The following GABRB1 variants were observed in gnomAD, a reference collection of about 807,000 sequenced individuals.
GABRB1 encodes gamma-aminobutyric acid receptor subunit beta-1.
A neutral mutation model predicts 51.6 loss-of-function variants in GABRB1; 17 were observed. The observed-to-expected ratio is 0.33, with a 90% CI of 0.23 to 0.49. GABRB1 has a LOEUF of 0.49. GABRB1 is among the 20% of genes least tolerant of loss of function. The pLI is 0.99. For synonymous variants in GABRB1, 247 were observed against 218.9 expected (o/e 1.13, Z -1.14); for missense variants, 410 against 600.6 (o/e 0.68, Z 3.32).
intron 3 of GABRB1, among the ~76,000 whole-genome samples, chr4:47,083,251 C>G: frequency 6.6e-6 from 1 of 152,136 alleles, no homozygotes; most frequent in East Asian, 1.9e-4. Context: ...GTCCTCCACT[C>G]TGTCAAGCAG....
chr4:47,054,590 T>A, intron 3 of GABRB1, among the ~76,000 whole-genome samples: 1 of 148,238 alleles, frequency 6.7e-6, no homozygotes, highest in Non-Finnish European at 1.5e-5. Context: ...TGGGCAACAT[T>A]TTTTTTTTTG....
intron 4 of GABRB1, among the ~76,000 whole-genome samples, chr4:47,212,376 A>G (rs1272516273): frequency 2.6e-5 from 4 of 152,212 alleles, no homozygotes; most frequent in Admixed American, 6.5e-5. Flanking sequence ...TGTGAGGCAC[A>G]GAAGACAGCC....
chr4:47,045,626 T>C (rs1349523670), intron 3 of GABRB1, among the ~76,000 whole-genome samples: 1 of 151,972 alleles, frequency 6.6e-6, no homozygotes, highest in Admixed American at 6.6e-5. Flanking sequence ...GGGCTACTGC[T>C]TGGTTCAAAG....
intron 1 of GABRB1, among the ~76,000 whole-genome samples, chr4:46,997,099 C>A (rs1314532308): frequency 1.3e-5 from 2 of 152,106 alleles, no homozygotes; most frequent in African/African-American, 2.4e-5. Flanking sequence ...TGCCTTTTCT[C>A]ATTTGTATTA....
chr4:47,237,997 T>C (rs190375184), intron 4 of GABRB1, among the ~76,000 whole-genome samples: 3 of 152,170 alleles, frequency 2.0e-5, no homozygotes, highest in African/African-American at 4.8e-5. Context: ...ATATTTCATA[T>C]TTTGCATTGC....
intron 4 of GABRB1, among the ~76,000 whole-genome samples, chr4:47,298,064 G>T (rs1444317446): frequency 1.3e-5 from 2 of 152,008 alleles, no homozygotes; most frequent in Non-Finnish European, 2.9e-5. Context: ...AAACTCTCAA[G>T]AAATTAGGTA....
chr4:47,338,516 T>G (rs1725777649), intron 5 of GABRB1, among the ~76,000 whole-genome samples: 1 of 152,238 alleles, frequency 6.6e-6, no homozygotes, highest in Admixed American at 6.5e-5. Context: ...GTGCTTTTTT[T>G]GTCAAGTCCA....
intron 3 of GABRB1, among the ~76,000 whole-genome samples, chr4:47,063,589 G>A (rs1726933506): frequency 6.6e-6 from 1 of 152,156 alleles, no homozygotes; most frequent in Admixed American, 6.5e-5. Context: ...TGACAGGAGT[G>A]AGGAGAGCAT....
chr4:47,050,781 T>C (rs905250871), intron 3 of GABRB1, among the ~76,000 whole-genome samples: 1 of 152,180 alleles, frequency 6.6e-6, no homozygotes, highest in Non-Finnish European at 1.5e-5. Context: ...AGAGAAAAAC[T>C]TCAATCATAA....
intron 4 of GABRB1, among the ~76,000 whole-genome samples, chr4:47,288,462 C>A (rs952592627): frequency 1.3e-5 from 2 of 151,954 alleles, no homozygotes; most frequent in African/African-American, 4.8e-5. Flanking sequence ...CTGGGTTTCA[C>A]CACATTAGCC....
At chr4:47,419,344 A>AT (rs1560378093) in intron 8 of GABRB1, among the ~76,000 whole-genome samples, 1 of 152,172 alleles carries the variant, frequency 6.6e-6, no homozygotes, top group Non-Finnish European at 1.5e-5. Context: ...GAGCCCCTCT[A>AT]AGACTTGTCT....
chr4:47,120,689 T>C (rs961950263), intron 3 of GABRB1, among the ~76,000 whole-genome samples: 4 of 152,224 alleles, frequency 2.6e-5, no homozygotes, highest in East Asian at 1.9e-4. Flanking sequence ...TAATCAACAG[T>C]TGATAAATCA....
rs542348646 is a variant in GABRB1 at position 47,351,337 on chromosome 4, A to G, written c.544+31128A>G. Among the ~76,000 whole-genome samples, 121 of 152,272 alleles carry G rather than the reference A, an allele frequency of 7.9e-4. 2 individuals are homozygous for G. Among genetic ancestry groups the G allele is most frequent in the African/African-American group, 2.9e-3 (119 of 41,564 alleles). On this transcript the variant is annotated intron_variant, in intron 5 of 8. Coordinates refer to ENST00000295454, the MANE Select transcript of GABRB1 (RefSeq NM_000812.4). ...TAATAATTCCCCCCAAAAAATATCCAATCCAACCAAATTAAAAGCCAAGAC... is the reference window on the plus strand; with the variant it reads ...TAATAATTCCCCCCAAAAAATATCCGATCCAACCAAATTAAAAGCCAAGAC...
intron 5 of GABRB1, among the ~76,000 whole-genome samples, chr4:47,345,515 A>C (rs143275896): frequency 7.2e-5 from 11 of 152,332 alleles, no homozygotes; most frequent in Non-Finnish European, 1.5e-4. Flanking sequence ...CCAGGTAAGG[A>C]AAACATCAAG....
chr4:47,294,541 C>T (rs183504958), intron 4 of GABRB1, among the ~76,000 whole-genome samples: 49 of 152,332 alleles, frequency 3.2e-4, no homozygotes, highest in African/African-American at 9.6e-4. Flanking sequence ...AAGGTGGCAG[C>T]GAGGCTGGGG....
chr4:47,341,808 T>A (rs1725910485), intron 5 of GABRB1, among the ~76,000 whole-genome samples: 1 of 152,202 alleles, frequency 6.6e-6, no homozygotes. Flanking sequence ...TTCGTGAACA[T>A]CCCCTGCAAT....
At chr4:47,326,680 A>G (rs1176765042) in intron 5 of GABRB1, among the ~76,000 whole-genome samples, 1 of 152,164 alleles carries the variant, frequency 6.6e-6, no homozygotes, top group African/African-American at 2.4e-5. Flanking sequence ...TCCACCATAT[A>G]AGGACACAGC....
chr4:47,243,375 T>G (rs1034222306), intron 4 of GABRB1, among the ~76,000 whole-genome samples: 2 of 152,214 alleles, frequency 1.3e-5, no homozygotes, highest in African/African-American at 2.4e-5. Flanking sequence ...TGCGGGCTCT[T>G]TTTTGGTTCC....
intron 3 of GABRB1, among the ~76,000 whole-genome samples, chr4:47,052,033 G>A (rs1330488783): frequency 3.9e-5 from 6 of 152,162 alleles, no homozygotes; most frequent in South Asian, 2.1e-4. Flanking sequence ...GGAGGCTGAG[G>A]CAGTAGAATC....
Sources: allele counts gnomAD v4.1 joint callset (sites outside exome capture counted in the v4.1 genomes callset), GRCh38; gene constraint gnomAD v4.1.1; transcripts MANE v1.5; gene names NCBI Gene and HGNC (gene_info 2026-07-23, HGNC 2026-07-21).